Variants in DET1 observed in about 807,000 individuals in gnomAD.
DET1 encodes DET1 homolog.
Under a neutral mutation model 43.7 loss-of-function variants are expected in DET1, and 22 were observed. The ratio of observed to expected loss-of-function variants is 0.50; its 90% CI spans 0.36 to 0.72. The LOEUF is 0.72. DET1 is among the 30% of genes least tolerant of loss of function. The probability of loss-of-function intolerance (pLI) is 0.00; values close to 1 mark genes in which losing one functional copy is unlikely to be tolerated. For synonymous variants in DET1, 315 were observed against 266.2 expected (o/e 1.18, Z -1.79); for missense variants, 713 against 713.3 (o/e 1.00, Z 0.00).
chr15:88,531,152 C>G lies in DET1; in HGVS notation c.554G>C (p.Arg185Pro). ...RNSESVTPNP[R>P]SPLEDYSLHI... is the part of the protein sequence containing the mutation. ...GAGGGAATAGTCTTCTAGAGGGGAC[C>G]GTGGGTTGGGGGTCACTGATTCACT... is the stretch of plus-strand genomic sequence containing the variant. Residue 185 changes from arginine (R) to proline (P), a missense_variant, in exon 2 of 5, where the codon CGG becomes CCG. Coordinates refer to ENST00000268148, the MANE Select transcript of DET1 (RefSeq NM_001144074.3). The surrounding 1 kb of genome is among the most constrained non-coding windows in gnomAD (Gnocchi z 6.2). 3.1e-6 allele frequency: 5 copies of G among 1,613,802 alleles called. No individual in the cohort carries two copies. Among genetic ancestry groups the G allele is most frequent in the Non-Finnish European group, 3.4e-6 (4 of 1,179,844 alleles).
At chr15:88,525,431 G>C (rs969126349) in intron 3 of DET1, among the ~76,000 whole-genome samples, 11 of 152,284 alleles carry the variant, frequency 7.2e-5, no homozygotes, top group African/African-American at 2.4e-4. Context: ...CTGTAATTTT[G>C]TTTAATTCCA....
intron 1 of DET1, among the ~76,000 whole-genome samples, chr15:88,540,415 TC>T (rs1167039152): frequency 6.6e-6 from 1 of 151,864 alleles, no homozygotes; most frequent in Non-Finnish European, 1.5e-5. Context: ...AGTTTCTCTG[TC>T]CATGTTGGAT....
Position 88,521,920 on chromosome 15 carries a change from G to A in DET1, c.1272-4947C>T, listed in dbSNP as rs142979961. ...GGATACTAGATGAATCCAGTGGTGC[G>A]CTGATAAAGGTTTAATTTTTCTTGG... is the stretch of plus-strand genomic sequence containing the variant. On this transcript the variant is annotated intron_variant, in intron 3 of 4. Coordinates refer to ENST00000268148, the MANE Select transcript of DET1 (RefSeq NM_001144074.3). Among the ~76,000 whole-genome samples the A allele has an allele frequency of 3.6e-3, 548 of 150,458 alleles. 4 individuals carry two copies. Among genetic ancestry groups the A allele is most frequent in the African/African-American group, 0.013 (533 of 40,834 alleles).
At chr15:88,540,727 G>T (rs1046572288) in intron 1 of DET1, among the ~76,000 whole-genome samples, 9 of 145,668 alleles carry the variant, frequency 6.2e-5, no homozygotes, top group African/African-American at 2.1e-4. Context: ...TCAACTCAGA[G>T]TTGAATGGAT....
intron 1 of DET1, among the ~76,000 whole-genome samples, chr15:88,534,821 A>G (rs1598342742): frequency 6.6e-6 from 1 of 152,352 alleles, no homozygotes; most frequent in African/African-American, 2.4e-5. Flanking sequence ...TAGATTGCCT[A>G]CCAAGCCAAA....
chr15:88,541,824 A>C (rs915180927), intron 1 of DET1, among the ~76,000 whole-genome samples: 1 of 152,174 alleles, frequency 6.6e-6, no homozygotes, highest in Non-Finnish European at 1.5e-5. Flanking sequence ...ACCCTCAGCC[A>C]GTTCGGCTCC....
At chr15:88,538,047 T>A (rs7165890) in intron 1 of DET1, among the ~76,000 whole-genome samples, 1 of 152,078 alleles carries the variant, frequency 6.6e-6, no homozygotes, top group Non-Finnish European at 1.5e-5. Context: ...ATGCGGTATT[T>A]TCAGAGCCTA....
At chr15:88,541,473 C>A (rs997698957) in intron 1 of DET1, among the ~76,000 whole-genome samples, 1 of 152,120 alleles carries the variant, frequency 6.6e-6, no homozygotes, top group Admixed American at 6.5e-5. Context: ...TCTCGTCCCA[C>A]CTTACGAGAA....
Position 88,504,089 on chromosome 15 carries a change from T to A in DET1, c.*2066-102A>T, listed in dbSNP as rs182105526. On this transcript the variant is annotated intron_variant and NMD_transcript_variant, in intron 7 of 8. Coordinates refer to the DET1 transcript ENST00000557842. This position sits in a 1 kb window ranked among gnomAD's most constrained non-coding sequence, Gnocchi z 4.7. ...GGCAGTTCTGGCTCAGAGTTTCTCA[T>A]GAGGTTGCTGTCATCTATAGGCTTG... The A allele has an allele frequency of 1.3e-5, 2 of 152,230 alleles. No individual in the cohort carries two copies. The highest frequency in any genetic ancestry group is 2.1e-4 in the South Asian group (1 of 4,822). 9.4% of individuals were successfully genotyped at this position (152,230 alleles called of 1,614,324 possible). A position where few individuals can be genotyped will look rare whatever the true frequency, so the allele number is the denominator to read the frequency against.
downstream of DET1, chr15:88,512,465 A>G (rs2056218701): frequency 5.1e-6 from 5 of 986,550 alleles, no homozygotes; most frequent in Middle Eastern, 5.2e-4. Flanking sequence ...TAAAGCAGTC[A>G]TCCAACCACA....
chr15:88,542,961 C>T (rs369606108), intron 1 of DET1, among the ~76,000 whole-genome samples: 8 of 152,250 alleles, frequency 5.3e-5, no homozygotes, highest in South Asian at 4.1e-4. Context: ...ATGACAGGGC[C>T]GTGAGATACT....
chr15:88,530,343 G>T (rs919724538), intron 2 of DET1, among the ~76,000 whole-genome samples: 6 of 152,140 alleles, frequency 3.9e-5, no homozygotes, highest in Admixed American at 6.5e-5. Context: ...TAGCATTTGG[G>T]CTTCCATCTC....
At chr15:88,512,462 G>C, downstream of DET1, 2 of 986,374 alleles carry the variant, frequency 2.0e-6, no homozygotes. Context: ...ACATAAAGCA[G>C]TCATCCAACC....
At chr15:88,512,297 C>A (rs2056215384), downstream of DET1, 2 of 977,700 alleles carry the variant, frequency 2.0e-6, no homozygotes, top group African/African-American at 3.5e-5. Context: ...CAAGCAAAAA[C>A]CCGAGGGAAG....
At chr15:88,510,787 G>A (rs1394916424), downstream of DET1, among the ~76,000 whole-genome samples, 3 of 137,462 alleles carry the variant, frequency 2.2e-5, no homozygotes, top group African/African-American at 8.0e-5. Context: ...TTTTTTTTGA[G>A]ACAGAGTCTG....
intron 4 of DET1, among the ~76,000 whole-genome samples, chr15:88,515,533 C>G (rs1450283725): frequency 2.4e-5 from 1 of 41,312 alleles, no homozygotes; most frequent in Non-Finnish European, 5.7e-5. Context: ...ACAGAGACTC[C>G]GTCTTATAAA....
chr15:88,546,682 G>T (rs975336369), upstream of DET1: 4 of 152,370 alleles, frequency 2.6e-5, no homozygotes, highest in Admixed American at 2.6e-4. Flanking sequence ...CACCGGAACT[G>T]CGGCCCAGCA....
At position 88,544,620 on chromosome 15, in the gene DET1, G is replaced by A. The variant is rs2057198549; in HGVS notation, c.-11+1920C>T. ...AGAAACAAGGACTCACTCCTGCTTTGAAAAGACTTCACACCGTCATCCTCA... is the reference window on the plus strand; with the variant it reads ...AGAAACAAGGACTCACTCCTGCTTTAAAAAGACTTCACACCGTCATCCTCA... On this transcript the variant is annotated intron_variant, in intron 1 of 4. Transcript: ENST00000268148. Among the ~76,000 whole-genome samples, 3 of 152,108 alleles carry A rather than the reference G, an allele frequency of 2.0e-5. No individual in the cohort carries two copies. In the South Asian group the frequency reaches 6.2e-4, roughly 32 times the overall value.
chr15:88,515,103 G>A (rs2142259241), intron 4 of DET1, among the ~76,000 whole-genome samples: 1 of 152,106 alleles, frequency 6.6e-6, no homozygotes, highest in African/African-American at 2.4e-5. Context: ...AGGACATATG[G>A]GTAAATAAGA....
Sources: gnomAD v4.1 joint callset for allele counts (sites outside exome capture counted in the v4.1 genomes callset) on GRCh38, gnomAD v4.1.1 for gene constraint, Gnocchi (gnomAD v3.1) non-coding constraint, MANE v1.5 for transcripts, NCBI Gene and HGNC (gene_info 2026-07-23, HGNC 2026-07-21) for gene names.